OLFM1: variants seen among roughly 807,000 people sequenced by gnomAD.
OLFM1 encodes noelin.
OLFM1 carries 9 observed loss-of-function variants against 49.7 expected under a neutral mutation model. That is an observed-to-expected ratio of 0.18 (90% confidence interval 0.11 to 0.32). The LOEUF (loss-of-function observed/expected upper bound fraction) is 0.32, where lower values mean the gene tolerates loss of function less well. OLFM1 is among the 10% of genes least tolerant of loss of function. The pLI, the probability that OLFM1 is intolerant of heterozygous loss-of-function variation, is 1.00. For synonymous variants in OLFM1, 240 were observed against 271.8 expected, an observed-to-expected ratio of 0.88 and a Z score of 1.15; for missense variants, 369 against 661.8, an observed-to-expected ratio of 0.56 and a Z score of 4.85.
Position 135,120,385 on chromosome 9 carries a change from T to C in OLFM1, c.*207T>C. On this transcript the variant is annotated 3_prime_UTR_variant, in exon 6 of 6. Coordinates refer to ENST00000371793, the MANE Select transcript of OLFM1 (RefSeq NM_001282611.2). ...CAGACGTCGGAAGAAACTCCCGTATTTGCAGCTGGAACTGCAGCCCACGGC... is the reference window on the plus strand; with the variant it reads ...CAGACGTCGGAAGAAACTCCCGTATCTGCAGCTGGAACTGCAGCCCACGGC... 1 of 598,182 alleles carries C rather than the reference T, an allele frequency of 1.7e-6. No individual in the cohort carries two copies. Among genetic ancestry groups the C allele is most frequent in the South Asian group, 2.1e-5 (1 of 47,588 alleles). The allele number at this position is 598,182 out of a possible 1,614,324, so 37.1% of individuals were successfully genotyped here. A position where few individuals can be genotyped will look rare whatever the true frequency, so the allele number is the denominator to read the frequency against.
At chr9:135,078,805 T>C (rs914334471) in intron 1 of OLFM1, among the ~76,000 whole-genome samples, 17 of 152,306 alleles carry the variant, frequency 1.1e-4, no homozygotes, top group African/African-American at 3.4e-4. Context: ...TAAAAGGGGC[T>C]GGGAAGCTTT....
chr9:135,081,118 G>A (rs1332129104), intron 1 of OLFM1, among the ~76,000 whole-genome samples: 1 of 152,090 alleles, frequency 6.6e-6, no homozygotes, highest in East Asian at 1.9e-4. Context: ...GGCGGTCCCA[G>A]CAATCCTGGG....
intron 5 of OLFM1, among the ~76,000 whole-genome samples, chr9:135,112,333 GCTGCACTGGC>G (rs1312016418): frequency 6.6e-6 from 1 of 152,210 alleles, no homozygotes; most frequent in Non-Finnish European, 1.5e-5. Flanking sequence ...TTCCCTCCAG[GCTGCACTGGC>G]CTTCTGTTCC....
chr9:135,107,385 T>G (rs79457881), intron 5 of OLFM1, among the ~76,000 whole-genome samples: 2,515 of 152,368 alleles, frequency 0.017, 26 homozygotes, highest in Non-Finnish European at 0.024. Context: ...TTTTCCCCGC[T>G]GGGTGAAACC....
Position 135,120,783 on chromosome 9 carries a change from C to T in OLFM1, c.*605C>T, listed in dbSNP as rs1434805023. Reference sequence around the variant, plus strand: ...CCACATTGTTTGAACTCGCGTACCCCGTAGATACATTGTGCAACGTTCTTC... The same window carrying T: ...CCACATTGTTTGAACTCGCGTACCCTGTAGATACATTGTGCAACGTTCTTC... On this transcript the variant is annotated 3_prime_UTR_variant, in exon 6 of 6. Coordinates refer to ENST00000371793, the MANE Select transcript of OLFM1 (RefSeq NM_001282611.2). The T allele has an allele frequency of 2.0e-5, 3 of 153,160 alleles. No individual in the cohort carries two copies. Among genetic ancestry groups the T allele is most frequent in the Non-Finnish European group, 4.4e-5 (3 of 68,654 alleles). The allele number at this position is 153,160 out of a possible 1,614,324, so 9.5% of individuals were successfully genotyped here.
Position 135,088,128 on chromosome 9 carries a change from C to G in OLFM1, c.139C>G (p.Arg47Gly). The change falls in exon 1 of 6, where the codon CGC becomes GGC. Residue 47 changes from arginine to glycine, a missense_variant. Arg to Gly is a moderately radical substitution (Grantham distance 125, BLOSUM62 -2). Transcript: ENST00000371793. This position sits in a 1 kb window ranked among gnomAD's most constrained non-coding sequence, Gnocchi z 4.8. ...GGCGGCCGGCGGCGGGACGCTGGAC[C>G]GCAGCACCGGCGTAAGTGCGCCCGC... ...LSAAGGGTLDRSTGVLPTNPE... is the reference protein window; with the variant it reads ...LSAAGGGTLDGSTGVLPTNPE... 1 of 1,382,978 alleles carries G rather than the reference C, an allele frequency of 7.2e-7. No homozygotes were observed. The highest frequency in any genetic ancestry group is 1.5e-5 in the African/African-American group (1 of 66,790). 85.7% of individuals were successfully genotyped at this position (1,382,978 alleles called of 1,614,324 possible). A position where few individuals can be genotyped will look rare whatever the true frequency, so the allele number is the denominator to read the frequency against.
chr9:135,085,623 C>G (rs1293946013), upstream of OLFM1, among the ~76,000 whole-genome samples: 2 of 152,258 alleles, frequency 1.3e-5, no homozygotes, highest in African/African-American at 4.8e-5. Context: ...GTGTGATGAG[C>G]CCTGGCTTTA....
At position 135,107,641 on chromosome 9, in the gene OLFM1, C is replaced by T. The variant is rs534973965; in HGVS notation, c.783+786C>T. The stretch of plus-strand genomic sequence containing the variant: ...AGGGAAGCTGTCAGGGCTTCGCTGT[C>T]CCTTGATTTGCAAACTGACCTCTGG... On this transcript the variant is annotated intron_variant, in intron 5 of 5. Transcript: ENST00000371793. Among the ~76,000 whole-genome samples the T allele has an allele frequency of 2.5e-4, 38 of 152,330 alleles. No homozygotes were observed. In the South Asian group the frequency reaches 7.5e-3, roughly 30 times the overall value.
intron 5 of OLFM1, 76 bp from the exon 6 acceptor site, chr9:135,119,428 G>A: frequency 8.0e-7 from 1 of 1,252,342 alleles, no homozygotes; most frequent in Non-Finnish European, 1.1e-6. Flanking sequence ...CTGGATCTTT[G>A]GAAGTGCTCA....
chr9:135,076,667 A>T (rs925005700), intron 1 of OLFM1: 2 of 1,269,542 alleles, frequency 1.6e-6, no homozygotes, highest in African/African-American at 3.0e-5. Context: ...CCTTTCAATG[A>T]TGCCACTGTG....
intron 5 of OLFM1, among the ~76,000 whole-genome samples, chr9:135,118,345 C>T (rs549977248): frequency 2.4e-4 from 36 of 148,454 alleles, no homozygotes; most frequent in Admixed American, 1.3e-3. Flanking sequence ...TTGGAGTGCT[C>T]GCTGGGTCTT....
intron 4 of OLFM1, among the ~76,000 whole-genome samples, chr9:135,099,701 T>A (rs762604852): frequency 7.2e-5 from 11 of 152,202 alleles, no homozygotes; most frequent in Non-Finnish European, 1.5e-4. Flanking sequence ...TTTTGATGTG[T>A]GCATGCTGGC....
chr9:135,108,646 CA>C (rs1315899720), intron 5 of OLFM1, among the ~76,000 whole-genome samples: 4 of 149,774 alleles, frequency 2.7e-5, no homozygotes, highest in Non-Finnish European at 5.9e-5. Context: ...AAAAAAAAAA[CA>C]AAAAAAACAG....
At chr9:135,082,218 G>A (rs1341480398) in intron 1 of OLFM1, among the ~76,000 whole-genome samples, 1 of 152,144 alleles carries the variant, frequency 6.6e-6, no homozygotes, top group Non-Finnish European at 1.5e-5. Context: ...AGAGTGTAAG[G>A]GGGAGATGGG....
Position 135,120,394 on chromosome 9 carries a change from G to C in OLFM1, c.*216G>C. Reference sequence around the variant, plus strand: ...GAAGAAACTCCCGTATTTGCAGCTGGAACTGCAGCCCACGGCGCCCCGGTT... The same window carrying C: ...GAAGAAACTCCCGTATTTGCAGCTGCAACTGCAGCCCACGGCGCCCCGGTT... On this transcript the variant is annotated 3_prime_UTR_variant, in exon 6 of 6. Coordinates refer to ENST00000371793, the MANE Select transcript of OLFM1 (RefSeq NM_001282611.2). 1.7e-6 allele frequency: 1 copy of C among 589,782 alleles called. No homozygotes were observed. The highest frequency in any genetic ancestry group is 3.0e-6 in the Non-Finnish European group (1 of 335,734). 36.5% of individuals were successfully genotyped at this position (589,782 alleles called of 1,614,324 possible). A position where few individuals can be genotyped will look rare whatever the true frequency, so the allele number is the denominator to read the frequency against.
rs199608131 is a variant in OLFM1, at chr9:135,098,020, G to GAA, written c.457-257_457-256dup. ...GTCAATGCATTTTTTGAAAAAGAAAGAAAAAAAAAACTTCGTGTATGTGAC... is the reference window on the plus strand; with the variant it reads ...GTCAATGCATTTTTTGAAAAAGAAAGAAAAAAAAAAAACTTCGTGTATGTGAC... On this transcript the variant is annotated intron_variant, in intron 3 of 5. Coordinates refer to ENST00000371793, the MANE Select transcript of OLFM1 (RefSeq NM_001282611.2). The surrounding 1 kb of genome is among the most constrained non-coding windows in gnomAD (Gnocchi z 5.6). 61 of 1,292,926 alleles carry GAA rather than the reference G, an allele frequency of 4.7e-5. No homozygotes were observed. Among genetic ancestry groups the GAA allele is most frequent in the South Asian group, 2.0e-4 (11 of 54,454 alleles). The allele number at this position is 1,292,926 out of a possible 1,614,324, so 80.1% of individuals were successfully genotyped here. A position where few individuals can be genotyped will look rare whatever the true frequency, so the allele number is the denominator to read the frequency against.
At chr9:135,091,269 C>T (rs1830681586) in intron 2 of OLFM1, among the ~76,000 whole-genome samples, 1 of 152,240 alleles carries the variant, frequency 6.6e-6, no homozygotes, top group Non-Finnish European at 1.5e-5. Context: ...GTTCTGGGGG[C>T]CCCATAGGAG....
At chr9:135,108,548 G>A (rs1413450270) in intron 5 of OLFM1, among the ~76,000 whole-genome samples, 4 of 152,020 alleles carry the variant, frequency 2.6e-5, no homozygotes, top group East Asian at 1.9e-4. Flanking sequence ...CATAAGAATC[G>A]CTTGAACCTG....
chr9:135,108,443 G>A (rs1045738839), intron 5 of OLFM1, among the ~76,000 whole-genome samples: 2 of 152,038 alleles, frequency 1.3e-5, no homozygotes, highest in Non-Finnish European at 2.9e-5. Context: ...AGACCATCCT[G>A]GCCAACAAGG....
Sources: gnomAD v4.1 joint callset for allele counts (sites outside exome capture counted in the v4.1 genomes callset) on GRCh38, gnomAD v4.1.1 for gene constraint, Gnocchi (gnomAD v3.1) non-coding constraint, MANE v1.5 for transcripts, NCBI Gene and HGNC (gene_info 2026-07-23, HGNC 2026-07-21) for gene names.